Variants in SNTG2 observed in about 807,000 individuals in gnomAD.
SNTG2 encodes the protein gamma-2-syntrophin.
SNTG2 carries 74 observed loss-of-function variants against 70.9 expected under a neutral mutation model. That is an observed-to-expected ratio of 1.04 (90% confidence interval 0.86 to 1.27). The LOEUF (loss-of-function observed/expected upper bound fraction) is 1.27, where lower values mean the gene tolerates loss of function less well. SNTG2 is among the 50% of genes most tolerant of loss of function. SNTG2 has a pLI of 0.00. For missense variants in SNTG2, 717 were observed against 690.7 expected, an observed-to-expected ratio of 1.04 and a Z score of -0.43; for synonymous variants, 278 against 273.8, an observed-to-expected ratio of 1.02 and a Z score of -0.15.
intron 1 of SNTG2, chr2:1,068,285 C>T (rs542347628): frequency 2.0e-5 from 3 of 152,116 alleles, no homozygotes; most frequent in East Asian, 1.9e-4. Flanking sequence ...TCTTGAAAGT[C>T]GAGGTTCAAG....
At chr2:1,181,487 T>C (rs1372701205) in intron 8 of SNTG2, among the ~76,000 whole-genome samples, 5 of 152,202 alleles carry the variant, frequency 3.3e-5, no homozygotes, top group Admixed American at 6.5e-5. Flanking sequence ...AAGTTTGTCA[T>C]GTTCAGAGCA....
intron 16 of SNTG2, among the ~76,000 whole-genome samples, chr2:1,334,294 A>G (rs1335194244): frequency 1.3e-5 from 2 of 152,168 alleles, no homozygotes; most frequent in Non-Finnish European, 2.9e-5. Context: ...TTAAAAAACA[A>G]TAGATGTCGG....
At chr2:1,271,935 C>T (rs1679044014) in intron 14 of SNTG2, among the ~76,000 whole-genome samples, 1 of 152,068 alleles carries the variant, frequency 6.6e-6, no homozygotes, top group Admixed American at 6.5e-5. Flanking sequence ...GGCTGATTGG[C>T]TTCTCGTCAA....
At chr2:1,327,857 A>T (rs2148279870) in intron 16 of SNTG2, among the ~76,000 whole-genome samples, 1 of 152,332 alleles carries the variant, frequency 6.6e-6, no homozygotes, top group South Asian at 2.1e-4. Context: ...TTAGTTTAGT[A>T]CTGTATTAGT....
chr2:1,338,531 C>T (rs890459422), intron 16 of SNTG2, among the ~76,000 whole-genome samples: 47 of 152,258 alleles, frequency 3.1e-4, no homozygotes, highest in African/African-American at 1.1e-3. Flanking sequence ...TTTTCCCCTT[C>T]TCCCAATCCC....
intron 1 of SNTG2, among the ~76,000 whole-genome samples, chr2:1,024,166 C>T (rs778949046): frequency 6.6e-6 from 1 of 152,000 alleles, no homozygotes; most frequent in South Asian, 2.1e-4. Flanking sequence ...AGATTCAATC[C>T]GTGGGCCACA....
chr2:1,077,850 C>G (rs1269831951), intron 1 of SNTG2, among the ~76,000 whole-genome samples: 4 of 152,134 alleles, frequency 2.6e-5, no homozygotes, highest in Admixed American at 2.6e-4. Context: ...GTCTGAAGAT[C>G]TTTCTCCGTA....
At chr2:1,136,253 AC>A in intron 4 of SNTG2, among the ~76,000 whole-genome samples, 1 of 151,942 alleles carries the variant, frequency 6.6e-6, no homozygotes, top group African/African-American at 2.4e-5. Context: ...GATGCAGCCT[AC>A]CCTCGTGTGG....
At chr2:1,120,008 C>A (rs1021833998) in intron 4 of SNTG2, among the ~76,000 whole-genome samples, 3 of 151,976 alleles carry the variant, frequency 2.0e-5, no homozygotes, top group African/African-American at 4.8e-5. Flanking sequence ...ATTGATAATT[C>A]CTTCTCTATC....
At chr2:998,727 G>A (rs1253302968) in intron 1 of SNTG2, among the ~76,000 whole-genome samples, 1 of 152,024 alleles carries the variant, frequency 6.6e-6, no homozygotes, top group Non-Finnish European at 1.5e-5. Flanking sequence ...GGAAATAATT[G>A]AAAATAAATT....
At chr2:1,052,998 C>A (rs10183535) in intron 1 of SNTG2, among the ~76,000 whole-genome samples, 77,398 of 152,076 alleles carry the variant, frequency 0.51, 19,882 homozygotes, top group African/African-American at 0.6. Context: ...TTTTCAGGAG[C>A]GGAGATTTTC....
intron 14 of SNTG2, among the ~76,000 whole-genome samples, 152 bp downstream of exon 14, chr2:1,267,723 G>A (rs1382622149): frequency 4.0e-5 from 6 of 150,682 alleles, no homozygotes; most frequent in South Asian, 2.1e-4. Flanking sequence ...ATGATCGTTC[G>A]CACGGAGTCA....
intron 16 of SNTG2, among the ~76,000 whole-genome samples, chr2:1,329,741 G>C (rs971982594): frequency 6.6e-6 from 1 of 152,214 alleles, no homozygotes; most frequent in Admixed American, 6.5e-5. Context: ...TTATTAATGA[G>C]TGCTGTACGC....
chr2:1,029,893 CT>C (rs1447191384), intron 1 of SNTG2, among the ~76,000 whole-genome samples: 1 of 152,210 alleles, frequency 6.6e-6, no homozygotes, highest in Non-Finnish European at 1.5e-5. Flanking sequence ...AGTACTCTGG[CT>C]TTTCCCTGTT....
intron 6 of SNTG2, among the ~76,000 whole-genome samples, chr2:1,140,596 A>C (rs1668682903): frequency 6.6e-6 from 1 of 152,240 alleles, no homozygotes; most frequent in Non-Finnish European, 1.5e-5. Flanking sequence ...CAGCGCCCCC[A>C]CAGGCAGGGC....
intron 12 of SNTG2, among the ~76,000 whole-genome samples, chr2:1,251,196 G>T (rs1448338790): frequency 6.6e-6 from 1 of 152,206 alleles, no homozygotes; most frequent in Non-Finnish European, 1.5e-5. Flanking sequence ...TAAGGAAGCT[G>T]GATGTTACTC....
intron 12 of SNTG2, among the ~76,000 whole-genome samples, chr2:1,256,889 G>A (rs185632649): frequency 4.6e-5 from 7 of 152,264 alleles, no homozygotes; most frequent in African/African-American, 1.4e-4. Context: ...TCAGGGCTGG[G>A]TCTGAGCTGA....
intron 1 of SNTG2, among the ~76,000 whole-genome samples, chr2:1,026,068 A>AC (rs1439382825): frequency 6.6e-6 from 1 of 152,206 alleles, no homozygotes; most frequent in Non-Finnish European, 1.5e-5. Context: ...ATTCTTTAAA[A>AC]CCAGTCCAAA....
At chr2:1,225,212 A>G (rs1411750428) in intron 9 of SNTG2, among the ~76,000 whole-genome samples, 2 of 152,152 alleles carry the variant, frequency 1.3e-5, no homozygotes, top group African/African-American at 4.8e-5. Context: ...TCTTCATAGG[A>G]TGATTGTGAG....
Sources: allele counts gnomAD v4.1 joint callset (sites outside exome capture counted in the v4.1 genomes callset), GRCh38; gene constraint gnomAD v4.1.1; transcripts MANE v1.5; gene names NCBI Gene and HGNC (gene_info 2026-07-23, HGNC 2026-07-21).